SYNE1: variants seen among roughly 807,000 people sequenced by gnomAD.
SYNE1 encodes the protein spectrin repeat containing nuclear envelope protein 1.
Under a neutral mutation model 1,111.0 loss-of-function variants are expected in SYNE1, and 616 were observed. That is an observed-to-expected ratio of 0.55 (90% CI 0.52 to 0.59). The LOEUF (loss-of-function observed/expected upper bound fraction) is 0.59, where lower values mean the gene tolerates loss of function less well. Among genes scored for constraint, SYNE1 ranks in the 20% least tolerant of loss-of-function variants. The pLI is 0.00. For missense variants in SYNE1, 10,006 were observed against 10,417.0 expected, an observed-to-expected ratio of 0.96 and a Z score of 1.72; for synonymous variants, 3,855 against 3,825.8, an observed-to-expected ratio of 1.01 and a Z score of -0.28.
chr6:152,256,484 G>A, intron 102 of SYNE1, 150 bp downstream of exon 102: 1 of 789,226 alleles, frequency 1.3e-6, no homozygotes, highest in Non-Finnish European at 2.1e-6. Flanking sequence ...GGACTCCAGG[G>A]TCCAGTGATC....
chr6:152,311,605 G>A (rs2095548538), intron 87 of SYNE1, among the ~76,000 whole-genome samples: 1 of 152,100 alleles, frequency 6.6e-6, no homozygotes, highest in East Asian at 1.9e-4. Context: ...CCAGTCAGAA[G>A]GACTTTTGGG....
intron 53 of SYNE1, among the ~76,000 whole-genome samples, chr6:152,388,340 T>G (rs2097555523): frequency 6.6e-6 from 1 of 152,004 alleles, no homozygotes; most frequent in South Asian, 2.1e-4. Context: ...CTCTGTGTCC[T>G]CTGATCAGGT....
intron 81 of SYNE1, 33 bp from the exon 82 acceptor site, chr6:152,323,770 TAATA>T (rs748217326): frequency 8.1e-6 from 13 of 1,612,782 alleles, no homozygotes; most frequent in Admixed American, 3.3e-5. Flanking sequence ...TGAAGTTCAA[TAATA>T]AATAAACTGA....
intron 142 of SYNE1, chr6:152,134,652 C>A (rs1225721839): frequency 1.5e-5 from 3 of 205,142 alleles, no homozygotes; most frequent in Non-Finnish European, 2.9e-5. Context: ...CTGCACTCCA[C>A]CCTGGGCAAC....
At chr6:152,573,948 A>G (rs1343083380) in intron 3 of SYNE1, among the ~76,000 whole-genome samples, 1 of 152,138 alleles carries the variant, frequency 6.6e-6, no homozygotes, top group Non-Finnish European at 1.5e-5. Context: ...AACATATTTT[A>G]ACTTTACGGG....
chr6:152,147,086 GGT>G (rs2059637831), intron 137 of SYNE1: 1 of 152,224 alleles, frequency 6.6e-6, no homozygotes, highest in Non-Finnish European at 1.5e-5. Flanking sequence ...TCCCTCTTGT[GGT>G]CCTCAGGGCC....
In SYNE1 at chr6:152,387,159, G is replaced by A. The variant is rs114747836; in HGVS notation, c.8400C>T (p.Leu2800=). ...AAGACTCATCCTCTGTCTTTTCGTA[G>A]AGCTCCCTGGACTTCGCAATTAGAC... The part of the protein sequence containing the change: ...LHRLIAKSRE[L]YEKTEDESFK... The change falls in exon 54 of 146, where the codon CTC becomes CTT. Residue 2800 remains leucine, a synonymous_variant. Transcript: ENST00000367255. 746 of 1,614,140 alleles carry A rather than the reference G, an allele frequency of 4.6e-4. 4 individuals carry two copies. The African/African-American group carries it at 9.2e-3, about 20-fold the overall frequency.
At chr6:152,521,651 G>A (rs1484576724) in intron 5 of SYNE1, among the ~76,000 whole-genome samples, 2 of 152,116 alleles carry the variant, frequency 1.3e-5, no homozygotes, top group Non-Finnish European at 2.9e-5. Flanking sequence ...CATTGGTGAT[G>A]TGAGTTTCTT....
In SYNE1 at chr6:152,204,233, C is replaced by T. The variant is rs188576339; in HGVS notation, c.23019+1935G>A. On this transcript the variant is annotated intron_variant, in intron 126 of 145. Coordinates refer to ENST00000367255, the MANE Select transcript of SYNE1 (RefSeq NM_182961.4). ...TACAAAAATTAGCCAGGCGTGGTGGCGTGCACCTGTAATCCCACCTACTTG... is the reference window on the plus strand; with the variant it reads ...TACAAAAATTAGCCAGGCGTGGTGGTGTGCACCTGTAATCCCACCTACTTG... Among the ~76,000 whole-genome samples the T allele has an allele frequency of 2.1e-4, 32 of 151,834 alleles. No individual in the cohort carries two copies. The East Asian group carries it at 3.7e-3, about 17-fold the overall frequency.
chr6:152,323,350 A>C, intron 82 of SYNE1, 128 bp downstream of exon 82: 1 of 1,381,982 alleles, frequency 7.2e-7, no homozygotes, highest in Non-Finnish European at 9.9e-7. Flanking sequence ...GAGGCAGGAG[A>C]ATGGCGTGAA....
At chr6:152,622,787 T>G (rs1476082708) in intron 3 of SYNE1, among the ~76,000 whole-genome samples, 2 of 152,148 alleles carry the variant, frequency 1.3e-5, no homozygotes, top group African/African-American at 4.8e-5. Context: ...TACCCAGTAA[T>G]GGGATTGCTG....
chr6:152,561,867 G>A (rs775216427), intron 3 of SYNE1, among the ~76,000 whole-genome samples: 10 of 152,146 alleles, frequency 6.6e-5, no homozygotes, highest in Non-Finnish European at 1.3e-4. Context: ...ATGCAAATAA[G>A]TGAAACTGGA....
intron 4 of SYNE1, among the ~76,000 whole-genome samples, chr6:152,532,662 T>A (rs2099209898): frequency 6.6e-6 from 1 of 152,278 alleles, no homozygotes. Flanking sequence ...AAGGCAAGGG[T>A]TGACTCTCCA....
chr6:152,366,085 C>A lies in SYNE1; in HGVS notation c.9973-1066G>T, dbSNP rs141982786. Among the ~76,000 whole-genome samples, 236 of 152,186 alleles carry A rather than the reference C, an allele frequency of 1.6e-3. 1 individual carries two copies. The highest frequency in any genetic ancestry group is 5.6e-3 in the African/African-American group (231 of 41,522). The stretch of plus-strand genomic sequence containing the variant: ...GCGGTGGCTCACCCTGTAATCCCAG[C>A]ACTTTGGGAGGCCAAGGTGGGCAGG... On this transcript the variant is annotated intron_variant, in intron 62 of 145. Coordinates refer to ENST00000367255, the MANE Select transcript of SYNE1 (RefSeq NM_182961.4).
intron 3 of SYNE1, among the ~76,000 whole-genome samples, chr6:152,612,138 A>G (rs1177192710): frequency 1.3e-5 from 2 of 151,686 alleles, no homozygotes; most frequent in African/African-American, 4.8e-5. Flanking sequence ...GCAAGAAATA[A>G]CTAAGATCAG....
chr6:152,380,167 G>T (rs2097378257), intron 56 of SYNE1, among the ~76,000 whole-genome samples: 1 of 152,160 alleles, frequency 6.6e-6, no homozygotes, highest in Non-Finnish European at 1.5e-5. Context: ...TCAAATACTT[G>T]ATTTAAAACC....
chr6:152,130,070 G>A (rs147631975), intron 145 of SYNE1, among the ~76,000 whole-genome samples: 3,877 of 152,220 alleles, frequency 0.025, 61 homozygotes, highest in Middle Eastern at 0.051. Context: ...GTCGGCTCTC[G>A]GGAGGTGACT....
At chr6:152,422,577 CT>C (rs1314342672) in intron 39 of SYNE1, among the ~76,000 whole-genome samples, 1 of 152,022 alleles carries the variant, frequency 6.6e-6, no homozygotes, top group East Asian at 1.9e-4. Flanking sequence ...ATCACAGCTC[CT>C]TGTAACTTCA....
rs540620916 is a variant in SYNE1, at chr6:152,480,342, G to A, written c.1350+2743C>T. ...TCAAGGCCAGCCTGGCCAACACGGC[G>A]AAACCACATATCTACTAAAAATACA... On this transcript the variant is annotated intron_variant, in intron 14 of 145. Coordinates refer to ENST00000367255, the MANE Select transcript of SYNE1 (RefSeq NM_182961.4). Among the ~76,000 whole-genome samples the A allele has an allele frequency of 4.5e-4, 69 of 152,042 alleles. 1 individual carries two copies. Among genetic ancestry groups the A allele is most frequent in the South Asian group, 4.4e-3 (21 of 4,794 alleles).
Sources: allele counts gnomAD v4.1 joint callset (sites outside exome capture counted in the v4.1 genomes callset), GRCh38; gene constraint gnomAD v4.1.1; transcripts MANE v1.5; gene names NCBI Gene and HGNC (gene_info 2026-07-23, HGNC 2026-07-21).